PLXNA2: variants seen among roughly 807,000 people sequenced by gnomAD.
PLXNA2 encodes the protein plexin A2.
In PLXNA2, 91 loss-of-function variants were observed where a neutral mutation model predicts 193.5. The observed-to-expected ratio is 0.47, with a 90% CI of 0.40 to 0.56. PLXNA2 has a LOEUF of 0.56. Ranked by LOEUF, PLXNA2 falls within the 20% of genes least tolerant of loss-of-function variation. The probability of loss-of-function intolerance (pLI) is 0.00; values close to 1 mark genes in which losing one functional copy is unlikely to be tolerated. For synonymous variants in PLXNA2, 997 were observed against 1,027.3 expected, an observed-to-expected ratio of 0.97 and a Z score of 0.56; for missense variants, 1,995 against 2,503.2, an observed-to-expected ratio of 0.80 and a Z score of 4.33.
chr1:208,166,478 A>G (rs887439689), intron 3 of PLXNA2, among the ~76,000 whole-genome samples: 2 of 152,256 alleles, frequency 1.3e-5, no homozygotes, highest in African/African-American at 4.8e-5. Context: ...CCTCCTGTGC[A>G]AAGTATGGTG....
At chr1:208,045,779 G>A in intron 18 of PLXNA2, 99 bp downstream of exon 18, 1 of 1,456,898 alleles carries the variant, frequency 6.9e-7, no homozygotes. Flanking sequence ...CAATTGCATA[G>A]AAAGGAGAGC....
At chr1:208,107,850 C>T (rs1377276909) in intron 4 of PLXNA2, among the ~76,000 whole-genome samples, 4 of 152,042 alleles carry the variant, frequency 2.6e-5, no homozygotes, top group African/African-American at 9.7e-5. Context: ...TTCTCCTGCC[C>T]CCTATGGCCT....
At chr1:208,169,422 C>A (rs1440747773) in intron 3 of PLXNA2, among the ~76,000 whole-genome samples, 2 of 152,258 alleles carry the variant, frequency 1.3e-5, no homozygotes, top group African/African-American at 4.8e-5. Flanking sequence ...GAATATTTCT[C>A]TGTCTTCCAT....
intron 15 of PLXNA2, among the ~76,000 whole-genome samples, chr1:208,051,932 A>T (rs1665276302): frequency 6.6e-6 from 1 of 152,124 alleles, no homozygotes; most frequent in African/African-American, 2.4e-5. Context: ...TAGGTGTTCA[A>T]TTTTTTATGT....
intron 4 of PLXNA2, among the ~76,000 whole-genome samples, chr1:208,109,416 C>T (rs1296210738): frequency 1.3e-5 from 2 of 152,248 alleles, no homozygotes; most frequent in Non-Finnish European, 2.9e-5. Context: ...CTCATTTACA[C>T]ACACAGCTGA....
At position 208,193,955 on chromosome 1, in the gene PLXNA2, T is replaced by A. The variant is rs534394141; in HGVS notation, c.1371+16325A>T. On this transcript the variant is annotated intron_variant, in intron 3 of 31. Transcript: ENST00000367033. ...AAAATTTTATTAAAAAAATTTTTTT[T>A]ATTTTTAAATAAAAAACACTTGTCC... Among the ~76,000 whole-genome samples, 5 of 151,918 alleles carry A rather than the reference T, an allele frequency of 3.3e-5. No individual in the cohort carries two copies. In the South Asian group the frequency reaches 6.2e-4, roughly 19 times the overall value.
chr1:208,036,879 A>C (rs1437243150), intron 26 of PLXNA2, among the ~76,000 whole-genome samples: 2 of 152,224 alleles, frequency 1.3e-5, no homozygotes, highest in East Asian at 1.9e-4. Context: ...CAAGCATTAG[A>C]GTATCAGAGA....
intron 3 of PLXNA2, among the ~76,000 whole-genome samples, chr1:208,201,332 C>A (rs1255823741): frequency 2.0e-5 from 3 of 152,214 alleles, no homozygotes; most frequent in Non-Finnish European, 4.4e-5. Flanking sequence ...CTGACACTTC[C>A]TTCAGCCCCA....
intron 3 of PLXNA2, among the ~76,000 whole-genome samples, chr1:208,168,523 G>A (rs1669381286): frequency 6.6e-6 from 1 of 152,012 alleles, no homozygotes; most frequent in African/African-American, 2.4e-5. Flanking sequence ...GCCATGAGGG[G>A]GAGTCTATTG....
chr1:208,030,390 G>C (rs1256204990), intron 29 of PLXNA2: 4 of 985,586 alleles, frequency 4.1e-6, no homozygotes, highest in African/African-American at 1.7e-5. Context: ...GATTTCCCCT[G>C]AAGTGCCCTC....
At chr1:208,137,778 A>G (rs1465991284) in intron 4 of PLXNA2, among the ~76,000 whole-genome samples, 1 of 152,184 alleles carries the variant, frequency 6.6e-6, no homozygotes, top group African/African-American at 2.4e-5. Flanking sequence ...ATTACATTTA[A>G]TTAATTAATT....
chr1:208,184,146 A>C (rs1192117511), intron 3 of PLXNA2, among the ~76,000 whole-genome samples: 1 of 152,178 alleles, frequency 6.6e-6, no homozygotes, highest in Non-Finnish European at 1.5e-5. Context: ...CCAGATGTTC[A>C]CATGATAGCC....
chr1:208,231,410 A>G (rs750432352), intron 1 of PLXNA2, among the ~76,000 whole-genome samples: 37 of 152,076 alleles, frequency 2.4e-4, no homozygotes, highest in Non-Finnish European at 3.5e-4. Flanking sequence ...ATGCTCCTGG[A>G]GTGATTGACT....
At chr1:208,089,609 C>T (rs373867126) in intron 9 of PLXNA2, among the ~76,000 whole-genome samples, 23 of 152,226 alleles carry the variant, frequency 1.5e-4, no homozygotes, top group South Asian at 6.2e-4. Context: ...CTGATGCTGC[C>T]GGTCCCTGGG....
At chr1:208,199,936 T>C (rs1431587814) in intron 3 of PLXNA2, among the ~76,000 whole-genome samples, 1 of 152,226 alleles carries the variant, frequency 6.6e-6, no homozygotes, top group Non-Finnish European at 1.5e-5. Context: ...AAATCTATGA[T>C]ACACATTTAA....
At chr1:208,161,553 A>G (rs2102514833) in intron 3 of PLXNA2, among the ~76,000 whole-genome samples, 1 of 152,152 alleles carries the variant, frequency 6.6e-6, no homozygotes, top group African/African-American at 2.4e-5. Context: ...CAAATGGTGG[A>G]CTCTGACCAC....
intron 3 of PLXNA2, among the ~76,000 whole-genome samples, chr1:208,143,936 C>T (rs1334153655): frequency 6.6e-6 from 1 of 152,158 alleles, no homozygotes; most frequent in Non-Finnish European, 1.5e-5. Context: ...GGGAACATAG[C>T]CGGCAACGGA....
chr1:208,075,565 T>C (rs1666120200), intron 12 of PLXNA2, among the ~76,000 whole-genome samples: 1 of 152,226 alleles, frequency 6.6e-6, no homozygotes, highest in South Asian at 2.1e-4. Flanking sequence ...TATGGGAAGG[T>C]AGCTTAAGGT....
chr1:208,166,211 A>C (rs1423292117), intron 3 of PLXNA2, among the ~76,000 whole-genome samples: 31 of 152,248 alleles, frequency 2.0e-4, no homozygotes, highest in Non-Finnish European at 4.4e-5. Context: ...TAGTGATGGG[A>C]GTTCCATTCC....
Sources: gnomAD v4.1 joint callset for allele counts (sites outside exome capture counted in the v4.1 genomes callset) on GRCh38, gnomAD v4.1.1 for gene constraint, MANE v1.5 for transcripts, NCBI Gene and HGNC (gene_info 2026-07-23, HGNC 2026-07-21) for gene names.